CEP170B: variants seen among roughly 807,000 people sequenced by gnomAD.
CEP170B encodes centrosomal protein 170B.
In CEP170B, 55 loss-of-function variants were observed where a neutral mutation model predicts 120.6. That is an observed-to-expected ratio of 0.46 (90% confidence interval 0.37 to 0.57). The LOEUF is 0.57. Among genes scored for constraint, CEP170B ranks in the 20% least tolerant of loss-of-function variants. CEP170B has a pLI of 0.00. For synonymous variants in CEP170B, 1,033 were observed against 954.5 expected (o/e 1.08, Z -1.52); for missense variants, 2,212 against 2,253.3 (o/e 0.98, Z 0.37).
chr14:104,864,645 G>A (rs1286560537), upstream of CEP170B, among the ~76,000 whole-genome samples: 4 of 151,948 alleles, frequency 2.6e-5, no homozygotes, highest in African/African-American at 7.2e-5. This position sits in a 1 kb window ranked among gnomAD's most constrained non-coding sequence, Gnocchi z 5.9. Flanking sequence ...GTAAGACGGC[G>A]TCGATGCCCA....
chr14:104,884,278 C>T lies in CEP170B; in HGVS notation c.1499C>T (p.Ala500Val). 6.5e-7 allele frequency: 1 copy of T among 1,544,532 alleles called. No individual in the cohort carries two copies. Among genetic ancestry groups the T allele is most frequent in the Non-Finnish European group, 8.7e-7 (1 of 1,145,774 alleles). Residue 500 changes from alanine to valine, a missense_variant, in exon 9 of 19, where the codon GCC becomes GTC. Coordinates refer to ENST00000414716, the MANE Select transcript of CEP170B (RefSeq NM_001112726.3). ...AGCGTGGGGCGCCGCTCCCGCCTGG[C>T]CCAGGACTTCATGGCCCAGTGTCTG... ...FGSVGRRSRL[A>V]QDFMAQCLRE...
chr14:104,886,588 G>A lies in CEP170B; in HGVS notation c.2349G>A (p.Arg783=). ...AGGGGCCCACGTGGAGCAGGGGTCG[G>A]CGCTCACCAAGGGCCCCCGGGGAGC... is the stretch of plus-strand genomic sequence containing the variant. The part of the protein sequence containing the change: ...PQEGPTWSRG[R]RSPRAPGEPT... The change falls in exon 12 of 19, where the codon CGG becomes CGA. Residue 783 remains arginine, a synonymous_variant. Coordinates refer to ENST00000414716, the MANE Select transcript of CEP170B (RefSeq NM_001112726.3). 6.6e-7 allele frequency: 1 copy of A among 1,515,756 alleles called. No individual in the cohort carries two copies. Among genetic ancestry groups the A allele is most frequent in the Non-Finnish European group, 8.8e-7 (1 of 1,135,428 alleles). The allele number at this position is 1,515,756 out of a possible 1,614,324, so 93.9% of individuals were successfully genotyped here.
chr14:104,880,501 C>T, intron 6 of CEP170B, 76 bp downstream of exon 6: 5 of 1,561,032 alleles, frequency 3.2e-6, no homozygotes, highest in Admixed American at 1.9e-5. Flanking sequence ...TGCCTCTCTG[C>T]ACCCCTTAAC....
At chr14:104,866,700 G>A (rs1325975048) in intron 1 of CEP170B, among the ~76,000 whole-genome samples, 1 of 152,196 alleles carries the variant, frequency 6.6e-6, no homozygotes, top group East Asian at 1.9e-4. Flanking sequence ...AGCTGGAGCT[G>A]GGTGTTGGTT....
chr14:104,884,009 C>A lies in CEP170B; in HGVS notation c.1230C>A (p.Asp410Glu), dbSNP rs745392077. The change falls in exon 9 of 19, where the codon GAC becomes GAA. Residue 410 changes from aspartate (D) to glutamate (E), a missense_variant. Physicochemically the swap from Asp to Glu is conservative, Grantham distance 45 (BLOSUM62 2). Around this residue, in one of 2 missense-constraint regions of CEP170B, gnomAD observed 2,166 missense variants for 2,166.7 expected, o/e 1.00. Transcript: ENST00000414716. ...NQQAFVIEFF[D>E]EDTPRKKRSQ... is the part of the protein sequence containing the mutation. ...AGGCCTTTGTCATCGAGTTCTTCGA[C>A]GAGGACACACCCCGAAAGAAGCGCT... is the stretch of plus-strand genomic sequence containing the variant. 2 of 1,611,046 alleles carry A rather than the reference C, an allele frequency of 1.2e-6. No individual in the cohort carries two copies. The highest frequency in any genetic ancestry group is 1.7e-6 in the Non-Finnish European group (2 of 1,179,000).
intron 1 of CEP170B, among the ~76,000 whole-genome samples, chr14:104,866,920 C>T (rs1895235712): frequency 6.6e-6 from 1 of 152,156 alleles, no homozygotes; most frequent in Admixed American, 6.5e-5. Context: ...GCTGTCATCC[C>T]TGTCCTGGGT....
intron 11 of CEP170B, 58 bp downstream of exon 11, chr14:104,886,188 C>T: frequency 6.8e-7 from 1 of 1,479,936 alleles, no homozygotes; most frequent in South Asian, 1.3e-5. Flanking sequence ...CCTCAGGCCA[C>T]TGACCACGGA....
rs1250969457 is a variant in CEP170B, at chr14:104,895,541, G to A, written c.*583G>A. 1 of 152,732 alleles carries A rather than the reference G, an allele frequency of 6.5e-6. No homozygotes were observed. The highest frequency in any genetic ancestry group is 1.5e-5 in the Non-Finnish European group (1 of 68,192). The allele number at this position is 152,732 out of a possible 1,614,324, so 9.5% of individuals were successfully genotyped here. On this transcript the variant is annotated 3_prime_UTR_variant, in exon 19 of 19. Coordinates refer to ENST00000414716, the MANE Select transcript of CEP170B (RefSeq NM_001112726.3). ...GCCTTTTATAGGCAGGAGCCCCACT[G>A]CTTCCAGCCTCTGGTGCCAACACAG... is the stretch of plus-strand genomic sequence containing the variant.
intron 13 of CEP170B, among the ~76,000 whole-genome samples, chr14:104,892,516 G>A (rs1206046734): frequency 2.6e-5 from 4 of 151,752 alleles, no homozygotes; most frequent in East Asian, 3.9e-4. Flanking sequence ...GTGCCAGGCT[G>A]TAGTTTCTGT....
In CEP170B at chr14:104,868,798, C is replaced by T. The variant is rs1315883046; in HGVS notation, c.105+243C>T. On this transcript the variant is annotated intron_variant, in intron 2 of 18. Transcript: ENST00000414716. The surrounding 1 kb of genome is among the most constrained non-coding windows in gnomAD (Gnocchi z 5.9). ...CCCTGCCCCGTACGTATCCCTGTCT[C>T]TGACAGGAGGGGGCTTAGGCTTTTG... Among the ~76,000 whole-genome samples the T allele has an allele frequency of 6.6e-6, 1 of 152,196 alleles. No homozygotes were observed. The highest frequency in any genetic ancestry group is 1.9e-4 in the East Asian group (1 of 5,194).
At chr14:104,889,786 C>T (rs1304578237) in intron 13 of CEP170B, 28 bp downstream of exon 13, 2 of 1,585,420 alleles carry the variant, frequency 1.3e-6, no homozygotes, top group Non-Finnish European at 8.6e-7. Context: ...AGTAAATCCA[C>T]TGGGTGCCAG....
chr14:104,888,635 C>T (rs993122889), intron 12 of CEP170B, among the ~76,000 whole-genome samples: 4 of 152,256 alleles, frequency 2.6e-5, no homozygotes, highest in Admixed American at 6.5e-5. Context: ...GGGCCCACCC[C>T]GCCCGCCGAG....
At chr14:104,893,414 G>A (rs969998853) in intron 14 of CEP170B, 109 bp from the exon 15 acceptor site, 22 of 1,353,796 alleles carry the variant, frequency 1.6e-5, no homozygotes, top group African/African-American at 8.6e-5. Flanking sequence ...TTGCACAGAC[G>A]GAAGGTGGGT....
chr14:104,887,961 G>C lies in CEP170B; in HGVS notation c.3722G>C (p.Ser1241Thr). The stretch of plus-strand genomic sequence containing the variant: ...CCCTTCAGCAGGGCCCGCTCAGGCA[G>C]TGCCCGATACACCTCCAGTGAGTGC... ...RQPFSRARSGSARYTSTTQTP... is the reference protein window; with the variant it reads ...RQPFSRARSGTARYTSTTQTP... The change falls in exon 12 of 19, where the codon AGT becomes ACT. Residue 1241 changes from serine to threonine, a missense_variant. By Grantham distance (58) the Ser-to-Thr change is moderately conservative. Around this residue, in one of 2 missense-constraint regions of CEP170B, gnomAD observed 2,166 missense variants for 2,166.7 expected, o/e 1.00. Coordinates refer to ENST00000414716, the MANE Select transcript of CEP170B (RefSeq NM_001112726.3). The C allele has an allele frequency of 6.6e-7, 1 of 1,516,962 alleles. No homozygotes were observed. Among genetic ancestry groups the C allele is most frequent in the Non-Finnish European group, 8.8e-7 (1 of 1,134,298 alleles). The allele number at this position is 1,516,962 out of a possible 1,614,324, so 94.0% of individuals were successfully genotyped here.
chr14:104,891,891 C>T lies in CEP170B; in HGVS notation c.3879-1085C>T, dbSNP rs1490770301. Among the ~76,000 whole-genome samples the T allele has an allele frequency of 6.6e-6, 1 of 152,126 alleles. No individual in the cohort carries two copies. Among genetic ancestry groups the T allele is most frequent in the Non-Finnish European group, 1.5e-5 (1 of 68,018 alleles). ...TTTGTCTTGATGTGGAATGGTGGACCCAGCTAGGACCCAGTCCTGAATGGG... is the reference window on the plus strand; with the variant it reads ...TTTGTCTTGATGTGGAATGGTGGACTCAGCTAGGACCCAGTCCTGAATGGG... On this transcript the variant is annotated intron_variant, in intron 13 of 18. Transcript: ENST00000414716. The surrounding 1 kb of genome is among the most constrained non-coding windows in gnomAD (Gnocchi z 4.3).
chr14:104,878,360 G>A (rs565384698), intron 4 of CEP170B, 83 bp from the exon 5 acceptor site: 9 of 1,430,312 alleles, frequency 6.3e-6, no homozygotes, highest in Admixed American at 1.7e-5. Context: ...GGGCCCTTGA[G>A]CTGGCACACC....
At chr14:104,877,375 G>A (rs1286407819) in intron 3 of CEP170B, among the ~76,000 whole-genome samples, 1 of 152,184 alleles carries the variant, frequency 6.6e-6, no homozygotes, top group Non-Finnish European at 1.5e-5. Flanking sequence ...GGCCTGTGAT[G>A]CCCACAGACC....
chr14:104,873,223 G>C (rs28460540), intron 2 of CEP170B, among the ~76,000 whole-genome samples: 57,497 of 150,784 alleles, frequency 0.38, 12,994 homozygotes, highest in Middle Eastern at 0.52. Flanking sequence ...GGGGCAGCTG[G>C]GCTCGGGGTG....
intron 3 of CEP170B, among the ~76,000 whole-genome samples, chr14:104,877,028 G>A (rs1047441654): frequency 2.0e-5 from 3 of 151,786 alleles, no homozygotes; most frequent in African/African-American, 4.9e-5. Flanking sequence ...CTGTTGCTGC[G>A]CTTGGCGGAC....
Sources: allele counts gnomAD v4.1 joint callset (sites outside exome capture counted in the v4.1 genomes callset), GRCh38; gene constraint gnomAD v4.1.1; regional missense constraint gnomAD v4.1.1; non-coding constraint Gnocchi (gnomAD v3.1); transcripts MANE v1.5; gene names NCBI Gene and HGNC (gene_info 2026-07-23, HGNC 2026-07-21).